The following HAVCR1 variants were observed in gnomAD, a reference collection of about 807,000 sequenced individuals.
The protein encoded by HAVCR1 is T cell immunoglobin domain and mucin domain protein 1.
In HAVCR1, 34 loss-of-function variants were observed where a neutral mutation model predicts 32.0. That is an observed-to-expected ratio of 1.06 (90% CI 0.81 to 1.42). The LOEUF is 1.42. HAVCR1 is among the 40% of genes most tolerant of loss of function. HAVCR1 has a pLI of 0.00. For synonymous variants in HAVCR1, 178 were observed against 170.3 expected (o/e 1.05, Z -0.35); for missense variants, 420 against 442.3 (o/e 0.95, Z 0.45).
Position 157,032,794 on chromosome 5 carries a change from A to G in HAVCR1, c.986+60T>C, listed in dbSNP as rs1016872704. On this transcript the variant is annotated intron_variant, in intron 8 of 8. Transcript: ENST00000523175. ...GAGTTTAGGAGAGAGACAGAAATCT[A>G]TTTTTATTTTACCAGAGTAGGAACC... The G allele has an allele frequency of 5.0e-6, 5 of 1,003,758 alleles. No individual in the cohort carries two copies. The Admixed American group carries it at 5.7e-5, about 11-fold the overall frequency. The allele number at this position is 1,003,758 out of a possible 1,614,324, so 62.2% of individuals were successfully genotyped here.
chr5:157,067,693 A>G, the HAVCR1 span, among the ~76,000 whole-genome samples: 3 of 151,256 alleles, frequency 2.0e-5, no homozygotes. Flanking sequence ...CTTTATTTTT[A>G]TTTTTATTTT....
At chr5:157,033,646 C>T (rs549235403) in intron 7 of HAVCR1, among the ~76,000 whole-genome samples, 59 of 152,222 alleles carry the variant, frequency 3.9e-4, no homozygotes, top group African/African-American at 1.4e-3. Context: ...GACAACACAT[C>T]CAGAGTCCAG....
Position 157,054,076 on chromosome 5 carries a change from C to T in HAVCR1, c.379+1125G>A, listed in dbSNP as rs1561601767. On this transcript the variant is annotated intron_variant, in intron 3 of 8. Transcript: ENST00000523175. ...ATGCACTCCTGTAGTCCCAGCTACT[C>T]AGGAGGTTGAGGCAGGACAATCACT... Among the ~76,000 whole-genome samples the T allele has an allele frequency of 2.0e-5, 3 of 149,822 alleles. No homozygotes were observed. In the South Asian group the frequency reaches 6.3e-4, roughly 32 times the overall value.
chr5:157,055,603 C>T lies in HAVCR1; in HGVS notation c.47-70G>A, dbSNP rs146024736. 3.9e-3 allele frequency: 3,717 copies of T among 955,490 alleles called. 12 individuals are homozygous for T. The highest frequency in any genetic ancestry group is 5.3e-3 in the Non-Finnish European group (3,417 of 640,746). The allele number at this position is 955,490 out of a possible 1,614,324, so 59.2% of individuals were successfully genotyped here. A position where few individuals can be genotyped will look rare whatever the true frequency, so the allele number is the denominator to read the frequency against. On this transcript the variant is annotated intron_variant, in intron 2 of 8. Coordinates refer to ENST00000523175, the MANE Select transcript of HAVCR1 (RefSeq NM_001173393.3). Reference sequence around the variant, plus strand: ...CATCTTGGCTGGGCACAATGGCTCACGCCTGTAATCCAAGAACTTTGGGAG... The same window carrying T: ...CATCTTGGCTGGGCACAATGGCTCATGCCTGTAATCCAAGAACTTTGGGAG...
At chr5:157,059,901 G>A (rs1246830756), upstream of HAVCR1, among the ~76,000 whole-genome samples, 2 of 152,058 alleles carry the variant, frequency 1.3e-5, no homozygotes, top group East Asian at 1.9e-4. Flanking sequence ...AGGCAGGAGG[G>A]TTGCTTGAGC....
rs1190073482 is a variant in HAVCR1, at chr5:157,029,641, T to A, written c.*92A>T. The A allele has an allele frequency of 6.3e-7, 1 of 1,577,600 alleles. No homozygotes were observed. The highest frequency in any genetic ancestry group is 8.6e-7 in the Non-Finnish European group (1 of 1,163,952). On this transcript the variant is annotated 3_prime_UTR_variant, in exon 9 of 9. Coordinates refer to ENST00000523175, the MANE Select transcript of HAVCR1 (RefSeq NM_001173393.3). ...GCCAGATGAAACTGAAACAGAAAAA[T>A]TGTCTTGGGGTCTAAAAGACGTCTG...
At chr5:157,064,339 CAAAAA>C in the HAVCR1 span, among the ~76,000 whole-genome samples, 1 of 63,384 alleles carries the variant, frequency 1.6e-5, no homozygotes, top group East Asian at 6.9e-4. Context: ...CCTGTCTCTA[CAAAAA>C]AAAAAAAAAA....
chr5:157,069,374 C>T, the HAVCR1 span, among the ~76,000 whole-genome samples: 9 of 152,294 alleles, frequency 5.9e-5, no homozygotes, highest in East Asian at 5.8e-4. Flanking sequence ...AGTTAGAAGG[C>T]GGTTTTCCAG....
chr5:157,052,563 T>G lies in HAVCR1; in HGVS notation c.471A>C (p.Pro157=). The G allele has an allele frequency of 1.4e-6, 1 of 697,340 alleles. No individual in the cohort carries two copies. Among genetic ancestry groups the G allele is most frequent in the Non-Finnish European group, 2.2e-6 (1 of 453,280 alleles). 43.2% of individuals were successfully genotyped at this position (697,340 alleles called of 1,614,324 possible). The change falls in exon 4 of 9, where the codon CCA becomes CCC. Residue 157 remains proline (P), a synonymous_variant. Transcript: ENST00000523175. ...STTVPTTTTV[P]MTTVPTTTVP... is the part of the protein sequence containing the mutation. ...CAGTTGTCGTTGGAACAGTCGTCAT[T>G]GGAACAGTCGTTGTCGTTGGAACAG...
chr5:157,032,815 G>A (rs757977179), intron 8 of HAVCR1, 39 bp downstream of exon 8: 37 of 1,227,324 alleles, frequency 3.0e-5, no homozygotes, highest in Non-Finnish European at 4.3e-5. Context: ...ACCAGAGTAG[G>A]AACCTCAAAA....
At chr5:157,050,227 G>A (rs1001556404) in intron 4 of HAVCR1, among the ~76,000 whole-genome samples, 36 of 152,168 alleles carry the variant, frequency 2.4e-4, no homozygotes, top group Non-Finnish European at 4.3e-4. Flanking sequence ...GCTCTCTTTC[G>A]GAACGAAAAA....
At chr5:157,057,384 GAGGAAAGAAAGAAAGAAA>G (rs1280622772) in intron 2 of HAVCR1, among the ~76,000 whole-genome samples, 64 of 121,524 alleles carry the variant, frequency 5.3e-4, no homozygotes, top group African/African-American at 1.8e-3. Flanking sequence ...GAGAGAGAGA[GAGGAAAGAAAGAAAGAAA>G]GAAAGAAAGA....
intron 6 of HAVCR1, among the ~76,000 whole-genome samples, chr5:157,037,702 C>A (rs929136530): frequency 2.0e-5 from 3 of 152,066 alleles, no homozygotes; most frequent in African/African-American, 7.2e-5. Context: ...TAGGCTATTT[C>A]CACAAATACA....
At chr5:157,056,526 C>G (rs577702592) in intron 2 of HAVCR1, among the ~76,000 whole-genome samples, 1 of 151,998 alleles carries the variant, frequency 6.6e-6, no homozygotes, top group African/African-American at 2.4e-5. Context: ...ACTACAGGCA[C>G]ACGCCGCCAC....
At chr5:157,042,040 CAG>C (rs1397805841) in intron 6 of HAVCR1, among the ~76,000 whole-genome samples, 2 of 151,920 alleles carry the variant, frequency 1.3e-5, no homozygotes, top group South Asian at 2.1e-4. Flanking sequence ...GCCTAGGAGA[CAG>C]AGTGATGTTC....
chr5:157,062,454 C>T (rs6894159), upstream of HAVCR1, among the ~76,000 whole-genome samples: 9,515 of 152,214 alleles, frequency 0.063, 973 homozygotes, highest in African/African-American at 0.21. Flanking sequence ...TATCTCAGCG[C>T]ACATCGTACC....
upstream of HAVCR1, among the ~76,000 whole-genome samples, chr5:157,062,483 C>T (rs889053055): frequency 5.9e-5 from 9 of 152,208 alleles, no homozygotes; most frequent in Admixed American, 3.9e-4. Flanking sequence ...CAGCCTCCTG[C>T]AAAACAGTTC....
chr5:157,057,440 A>AG (rs1756262965), intron 2 of HAVCR1, among the ~76,000 whole-genome samples: 1 of 144,018 alleles, frequency 6.9e-6, no homozygotes, highest in Non-Finnish European at 1.6e-5. Flanking sequence ...AGAAAGAAAG[A>AG]AAGAAAGAAA....
intron 7 of HAVCR1, among the ~76,000 whole-genome samples, chr5:157,034,261 CAT>C (rs1370125580): frequency 6.6e-6 from 1 of 151,812 alleles, no homozygotes; most frequent in Non-Finnish European, 1.5e-5. Context: ...AGCAGGAAAA[CAT>C]GTGAGCAAAG....
Sources: gnomAD v4.1 joint callset for allele counts (sites outside exome capture counted in the v4.1 genomes callset) on GRCh38, gnomAD v4.1.1 for gene constraint, MANE v1.5 for transcripts, NCBI Gene and HGNC (gene_info 2026-07-23, HGNC 2026-07-21) for gene names.